The following VWA8 variants were observed in gnomAD, a reference collection of about 807,000 sequenced individuals.
VWA8 encodes von Willebrand factor A domain-containing protein 8.
Under a neutral mutation model 241.5 loss-of-function variants are expected in VWA8, and 221 were observed. That is an observed-to-expected ratio of 0.91 (90% confidence interval 0.82 to 1.02). The LOEUF (loss-of-function observed/expected upper bound fraction) is 1.02, where lower values mean the gene tolerates loss of function less well. Among genes scored for constraint, VWA8 ranks in the 50% least tolerant of loss-of-function variants. The probability of loss-of-function intolerance (pLI) is 0.00; values close to 1 mark genes in which losing one functional copy is unlikely to be tolerated. For synonymous variants in VWA8, 852 were observed against 827.1 expected (o/e 1.03, Z -0.52); for missense variants, 2,322 against 2,328.7 (o/e 1.00, Z 0.06).
chr13:41,677,537 T>C (rs1028385179), intron 35 of VWA8, among the ~76,000 whole-genome samples: 10 of 152,174 alleles, frequency 6.6e-5, no homozygotes, highest in Admixed American at 3.3e-4. Flanking sequence ...TGGAGATGGC[T>C]TCAAACCCAG....
At chr13:41,938,401 C>T (rs1221478172) in intron 2 of VWA8, among the ~76,000 whole-genome samples, 3 of 151,970 alleles carry the variant, frequency 2.0e-5, no homozygotes, top group Non-Finnish European at 4.4e-5. Flanking sequence ...GCCTGCAATC[C>T]CAACACTTTG....
chr13:41,616,798 T>C (rs191309775), intron 37 of VWA8, among the ~76,000 whole-genome samples: 21 of 152,314 alleles, frequency 1.4e-4, no homozygotes, highest in Admixed American at 4.6e-4. Flanking sequence ...TAAATAGCCA[T>C]GTGTGCCACT....
At chr13:41,571,310 C>CTCCCGTCTCCCT (rs1246060181) in intron 43 of VWA8, among the ~76,000 whole-genome samples, 1 of 107,500 alleles carries the variant, frequency 9.3e-6, no homozygotes, top group African/African-American at 3.8e-5. Flanking sequence ...CCCTCTCCCT[C>CTCCCGTCTCCCT]CTCCCTCTCC....
chr13:41,604,666 T>C (rs1310785075), intron 40 of VWA8, among the ~76,000 whole-genome samples: 1 of 152,158 alleles, frequency 6.6e-6, no homozygotes, highest in African/African-American at 2.4e-5. Context: ...AGGGCACAGC[T>C]TGGCTCCCAA....
At chr13:41,754,070 G>A (rs1295452000) in intron 21 of VWA8, among the ~76,000 whole-genome samples, 3 of 152,044 alleles carry the variant, frequency 2.0e-5, no homozygotes, top group Non-Finnish European at 4.4e-5. Flanking sequence ...GAAATTAGTA[G>A]GAGTGTCAGT....
At chr13:41,766,036 G>A (rs1593756657) in intron 20 of VWA8, among the ~76,000 whole-genome samples, 4 of 152,262 alleles carry the variant, frequency 2.6e-5, no homozygotes, top group Admixed American at 2.6e-4. Flanking sequence ...TACCGGGTTA[G>A]GAGAAGCAGG....
chr13:41,580,003 C>A (rs1321966745), intron 42 of VWA8, among the ~76,000 whole-genome samples: 3 of 151,898 alleles, frequency 2.0e-5, no homozygotes, highest in African/African-American at 7.3e-5. Context: ...TGCGCCGCCA[C>A]ACCTGGCTAA....
At position 41,811,311 on chromosome 13, in the gene VWA8, G is replaced by C. The variant is rs941633286; in HGVS notation, c.1977C>G (p.Thr659=). Residue 659 remains threonine, a synonymous_variant, in exon 17 of 45, where the codon ACC becomes ACG. Transcript: ENST00000379310. Reference sequence around the variant, plus strand: ...GACGAGAAATTCGCAACAGTTGTCTGGTAGAAAGTGATGCCGCTAATGATT... The same window carrying C: ...GACGAGAAATTCGCAACAGTTGTCTCGTAGAAAGTGATGCCGCTAATGATT... ...TAQSLAASLS[T]RQLLRISRRL... 6.8e-6 allele frequency: 11 copies of C among 1,610,624 alleles called. No homozygotes were observed. The highest frequency in any genetic ancestry group is 6.8e-6 in the Non-Finnish European group (8 of 1,177,384).
chr13:41,575,552 AT>A (rs35294719), intron 43 of VWA8, among the ~76,000 whole-genome samples, 187 bp downstream of exon 43: 25,031 of 151,348 alleles, frequency 0.17, 2,184 homozygotes, highest in Admixed American at 0.25. Context: ...TAGGGGACAA[AT>A]TTTAAATTTT....
chr13:41,920,477 C>CA (rs999424458), intron 2 of VWA8, among the ~76,000 whole-genome samples: 7 of 151,862 alleles, frequency 4.6e-5, no homozygotes, highest in South Asian at 2.1e-4. Flanking sequence ...AAAAAACCTT[C>CA]AAAAAAATCA....
intron 21 of VWA8, among the ~76,000 whole-genome samples, chr13:41,745,967 A>G (rs1295389565): frequency 6.6e-6 from 1 of 152,210 alleles, no homozygotes; most frequent in Non-Finnish European, 1.5e-5. Context: ...TACAAGTGAA[A>G]AAAAAAGGAT....
chr13:41,953,841 G>A (rs1371682100), intron 1 of VWA8, among the ~76,000 whole-genome samples: 1 of 145,434 alleles, frequency 6.9e-6, no homozygotes, highest in Admixed American at 6.8e-5. Context: ...TTAAAGGATG[G>A]AAGTCATAAA....
At chr13:41,757,654 C>T (rs536708383) in intron 21 of VWA8, among the ~76,000 whole-genome samples, 1 of 151,750 alleles carries the variant, frequency 6.6e-6, no homozygotes, top group East Asian at 1.9e-4. Context: ...TCCATGGATA[C>T]TCAATGTTTA....
intron 9 of VWA8, among the ~76,000 whole-genome samples, 175 bp from the exon 10 acceptor site, chr13:41,868,652 A>G (rs545397620): frequency 6.6e-6 from 1 of 152,212 alleles, no homozygotes; most frequent in East Asian, 1.9e-4. Context: ...TTGGGAGGCC[A>G]AGGCGGGCGG....
intron 21 of VWA8, among the ~76,000 whole-genome samples, chr13:41,751,028 G>A (rs1453055151): frequency 1.3e-5 from 2 of 152,102 alleles, no homozygotes; most frequent in Non-Finnish European, 2.9e-5. Flanking sequence ...GCAAGACAGA[G>A]ACAGTAATGG....
chr13:41,887,731 A>G (rs1200507664), intron 5 of VWA8, among the ~76,000 whole-genome samples: 6 of 152,240 alleles, frequency 3.9e-5, no homozygotes, highest in Non-Finnish European at 7.3e-5. Context: ...CAAAGCTGTG[A>G]TTGATTACCA....
chr13:41,807,945 G>A (rs547532576), intron 17 of VWA8: 2 of 152,076 alleles, frequency 1.3e-5, no homozygotes, highest in Non-Finnish European at 2.9e-5. Context: ...ACTGCACTAC[G>A]ATCCGTTGTC....
intron 13 of VWA8, 152 bp from the exon 14 acceptor site, chr13:41,830,794 T>A: frequency 1.7e-6 from 1 of 596,978 alleles, no homozygotes; most frequent in Non-Finnish European, 2.9e-6. Flanking sequence ...TCAAATTGGC[T>A]ACTGCTGTTA....
In VWA8 at chr13:41,832,395, A is replaced by G. The variant is rs114953751; in HGVS notation, c.1586+976T>C. ...AAGAGATAGCTAATAAAATGGGACT[A>G]TTACCGTGTCTGCAGTGGTCTGGGA... On this transcript the variant is annotated intron_variant, in intron 13 of 44. Coordinates refer to ENST00000379310, the MANE Select transcript of VWA8 (RefSeq NM_015058.2). Among the ~76,000 whole-genome samples the G allele has an allele frequency of 6.2e-3, 939 of 152,334 alleles. 7 individuals are homozygous for G. The highest frequency in any genetic ancestry group is 0.022 in the African/African-American group (895 of 41,560).
Sources: allele counts gnomAD v4.1 joint callset (sites outside exome capture counted in the v4.1 genomes callset), GRCh38; gene constraint gnomAD v4.1.1; transcripts MANE v1.5; gene names NCBI Gene and HGNC (gene_info 2026-07-23, HGNC 2026-07-21).